AGAP1: variants seen among roughly 807,000 people sequenced by gnomAD.
AGAP1 encodes the protein ArfGAP with GTPase domain, ankyrin repeat and PH domain 1.
In AGAP1, 29 loss-of-function variants were observed where a neutral mutation model predicts 105.3. The observed-to-expected ratio is 0.28, with a 90% CI of 0.21 to 0.38. The LOEUF is 0.38. Among genes scored for constraint, AGAP1 ranks in the 10% least tolerant of loss-of-function variants. The probability of loss-of-function intolerance (pLI) is 1.00; values close to 1 mark genes in which losing one functional copy is unlikely to be tolerated. For missense variants in AGAP1, 998 were observed against 1,165.1 expected (o/e 0.86, Z 2.09); for synonymous variants, 509 against 485.9 (o/e 1.05, Z -0.63).
rs536989463 is a variant in AGAP1 at position 235,615,317 on chromosome 2, C to T, written c.164-93862C>T. 3.9e-4 allele frequency among the ~76,000 whole-genome samples: 59 copies of T among 152,288 alleles called. No homozygotes were observed. Among genetic ancestry groups the T allele is most frequent in the African/African-American group, 1.4e-3 (58 of 41,564 alleles). On this transcript the variant is annotated intron_variant, in intron 1 of 17. Coordinates refer to ENST00000304032, the MANE Select transcript of AGAP1 (RefSeq NM_001037131.3). This position sits in a 1 kb window ranked among gnomAD's most constrained non-coding sequence, Gnocchi z 5.0. Reference sequence around the variant, plus strand: ...AGCATCCATCCTCCCTGCTCTGCCTCGCACTGCCTTCTAATGGGTCCCACT... The same window carrying T: ...AGCATCCATCCTCCCTGCTCTGCCTTGCACTGCCTTCTAATGGGTCCCACT...
At position 235,992,550 on chromosome 2, in the gene AGAP1, T is replaced by C. The variant is rs1371013451; in HGVS notation, c.1645+23927T>C. 6.6e-6 allele frequency among the ~76,000 whole-genome samples: 1 copy of C among 152,254 alleles called. No homozygotes were observed. The highest frequency in any genetic ancestry group is 1.5e-5 in the Non-Finnish European group (1 of 68,052). ...ATGTGCAGTGTATTTTCAGATTTTATTGACTCACCTAAGAAAGGCTCGGGG... is the reference window on the plus strand; with the variant it reads ...ATGTGCAGTGTATTTTCAGATTTTACTGACTCACCTAAGAAAGGCTCGGGG... On this transcript the variant is annotated intron_variant, in intron 13 of 17. Coordinates refer to ENST00000304032, the MANE Select transcript of AGAP1 (RefSeq NM_001037131.3). The surrounding 1 kb of genome is among the most constrained non-coding windows in gnomAD (Gnocchi z 4.8).
intron 1 of AGAP1, among the ~76,000 whole-genome samples, chr2:235,568,061 T>G (rs1574863352): frequency 6.6e-6 from 1 of 152,078 alleles, no homozygotes. Flanking sequence ...CCCTTCAGTC[T>G]CTGGGGCTCT....
At chr2:235,575,551 G>A (rs905531073) in intron 1 of AGAP1, among the ~76,000 whole-genome samples, 17 of 151,914 alleles carry the variant, frequency 1.1e-4, no homozygotes, top group East Asian at 3.9e-4. Flanking sequence ...TCAGATACCC[G>A]TTTGTCCTGT....
intron 12 of AGAP1, among the ~76,000 whole-genome samples, chr2:235,939,975 C>T (rs1036105343): frequency 6.6e-6 from 1 of 152,172 alleles, no homozygotes; most frequent in Non-Finnish European, 1.5e-5. Flanking sequence ...TCATTGAACG[C>T]AGGTAAGCAG....
At chr2:235,682,418 C>T (rs1439066683) in intron 1 of AGAP1, among the ~76,000 whole-genome samples, 1 of 152,094 alleles carries the variant, frequency 6.6e-6, no homozygotes, top group East Asian at 1.9e-4. Flanking sequence ...TCTCGGCTCA[C>T]TGCAGCCTCT....
chr2:235,752,261 T>G lies in AGAP1; in HGVS notation c.673+1773T>G, dbSNP rs2149721423. ...GGCGTGATGGCAGCTCACTGCAACCTCTGCCTCCCAGGTTCAGGCAAATCT... is the reference window on the plus strand; with the variant it reads ...GGCGTGATGGCAGCTCACTGCAACCGCTGCCTCCCAGGTTCAGGCAAATCT... On this transcript the variant is annotated intron_variant, in intron 6 of 17. Transcript: ENST00000304032. This position sits in a 1 kb window ranked among gnomAD's most constrained non-coding sequence, Gnocchi z 4.3. Among the ~76,000 whole-genome samples the G allele has an allele frequency of 6.6e-6, 1 of 152,332 alleles. No individual in the cohort carries two copies. The highest frequency in any genetic ancestry group is 1.9e-4 in the East Asian group (1 of 5,180).
intron 16 of AGAP1, among the ~76,000 whole-genome samples, chr2:236,094,471 C>T (rs964066356): frequency 6.6e-6 from 1 of 151,732 alleles, no homozygotes; most frequent in Admixed American, 6.6e-5. Flanking sequence ...CCCACTTCAG[C>T]CTCCTGAGTA....
At chr2:235,848,745 A>G (rs1266776243) in intron 9 of AGAP1, among the ~76,000 whole-genome samples, 3 of 152,234 alleles carry the variant, frequency 2.0e-5, no homozygotes, top group Non-Finnish European at 4.4e-5. Context: ...AGGTGAGAAC[A>G]CACAGTTGCA....
At chr2:235,946,198 T>TG (rs1194453210) in intron 12 of AGAP1, among the ~76,000 whole-genome samples, 2 of 152,094 alleles carry the variant, frequency 1.3e-5, no homozygotes, top group African/African-American at 4.8e-5. Flanking sequence ...CTGTTAATTT[T>TG]GGGGGTGTAT....
At chr2:235,873,313 A>C (rs1348927141) in intron 9 of AGAP1, among the ~76,000 whole-genome samples, 1 of 152,228 alleles carries the variant, frequency 6.6e-6, no homozygotes, top group Non-Finnish European at 1.5e-5. Flanking sequence ...GAGTCTGCTC[A>C]TTTGTAGTCC....
intron 1 of AGAP1, among the ~76,000 whole-genome samples, chr2:235,640,351 G>A (rs1947149671): frequency 6.6e-6 from 1 of 152,236 alleles, no homozygotes; most frequent in African/African-American, 2.4e-5. Context: ...AAAAGGTGCT[G>A]TTCCTTCCAG....
In AGAP1 at chr2:235,559,901, T is replaced by C. The variant is rs949842988; in HGVS notation, c.163+65052T>C. On this transcript the variant is annotated intron_variant, in intron 1 of 17. Coordinates refer to ENST00000304032, the MANE Select transcript of AGAP1 (RefSeq NM_001037131.3). This position sits in a 1 kb window ranked among gnomAD's most constrained non-coding sequence, Gnocchi z 5.7. ...TTCTGGATACTAGACACTTATTAGATATATGATTTGCAAATATATTCTTTT... is the reference window on the plus strand; with the variant it reads ...TTCTGGATACTAGACACTTATTAGACATATGATTTGCAAATATATTCTTTT... Among the ~76,000 whole-genome samples, 1 of 152,186 alleles carries C rather than the reference T, an allele frequency of 6.6e-6. No homozygotes were observed. The highest frequency in any genetic ancestry group is 2.4e-5 in the African/African-American group (1 of 41,442).
intron 6 of AGAP1, among the ~76,000 whole-genome samples, chr2:235,794,994 A>G (rs1006386165): frequency 1.3e-5 from 2 of 152,226 alleles, no homozygotes; most frequent in African/African-American, 4.8e-5. Flanking sequence ...GGTAATATTC[A>G]CATGTTAAAC....
At position 235,813,563 on chromosome 2, in the gene AGAP1, A is replaced by AG. The variant is rs201293737; in HGVS notation, c.1050+6238dup. Among the ~76,000 whole-genome samples, 437 of 152,204 alleles carry AG rather than the reference A, an allele frequency of 2.9e-3. 2 individuals are homozygous for AG. The highest frequency in any genetic ancestry group is 0.02 in the East Asian group (102 of 5,170). On this transcript the variant is annotated intron_variant, in intron 9 of 17. Coordinates refer to ENST00000304032, the MANE Select transcript of AGAP1 (RefSeq NM_001037131.3). ...TCGGTGTCCCGCAGCTCAGACCCCTAGGGGGGCGGGCAGGCAGTCAGGCGG... is the reference window on the plus strand; with the variant it reads ...TCGGTGTCCCGCAGCTCAGACCCCTAGGGGGGGCGGGCAGGCAGTCAGGCGG...
intron 12 of AGAP1, among the ~76,000 whole-genome samples, chr2:235,938,006 G>A (rs1446363791): frequency 6.6e-6 from 1 of 152,250 alleles, no homozygotes; most frequent in Non-Finnish European, 1.5e-5. Flanking sequence ...CCGGTTTCTG[G>A]TTTGCAAGAG....
chr2:235,921,513 C>T (rs958335345), intron 11 of AGAP1, among the ~76,000 whole-genome samples: 1 of 152,086 alleles, frequency 6.6e-6, no homozygotes, highest in African/African-American at 2.4e-5. Context: ...TAATTTAGAA[C>T]AGGGAGAAAG....
chr2:235,917,644 G>C (rs751053758), intron 11 of AGAP1, among the ~76,000 whole-genome samples: 2 of 152,096 alleles, frequency 1.3e-5, no homozygotes, highest in South Asian at 2.1e-4. Flanking sequence ...ACGTGGTCCT[G>C]TTCGGGGGAG....
At chr2:235,800,031 A>G (rs1440240647) in intron 8 of AGAP1, among the ~76,000 whole-genome samples, 1 of 151,724 alleles carries the variant, frequency 6.6e-6, no homozygotes, top group Non-Finnish European at 1.5e-5. Flanking sequence ...GAGCATGTTG[A>G]AAGCAGAGAT....
Position 235,842,254 on chromosome 2 carries a change from A to T in AGAP1, c.1050+34923A>T, listed in dbSNP as rs1051910214. Among the ~76,000 whole-genome samples the T allele has an allele frequency of 1.3e-5, 2 of 152,306 alleles. No homozygotes were observed. Among genetic ancestry groups the T allele is most frequent in the African/African-American group, 2.4e-5 (1 of 41,570 alleles). The stretch of plus-strand genomic sequence containing the variant: ...GGGTCCGCGAATGTGGCTGGGGGGA[A>T]ATTCATTCGTATTTCCACTGACTTC... On this transcript the variant is annotated intron_variant, in intron 9 of 17. Coordinates refer to ENST00000304032, the MANE Select transcript of AGAP1 (RefSeq NM_001037131.3). This position sits in a 1 kb window ranked among gnomAD's most constrained non-coding sequence, Gnocchi z 5.3.
Sources: allele counts gnomAD v4.1 joint callset (sites outside exome capture counted in the v4.1 genomes callset), GRCh38; gene constraint gnomAD v4.1.1; non-coding constraint Gnocchi (gnomAD v3.1); transcripts MANE v1.5; gene names NCBI Gene and HGNC (gene_info 2026-07-23, HGNC 2026-07-21).